MAD1L1: variants seen among roughly 807,000 people sequenced by gnomAD.
The protein encoded by MAD1L1 is mitotic spindle assembly checkpoint protein MAD1.
A neutral mutation model predicts 96.9 loss-of-function variants in MAD1L1; 95 were observed. The observed-to-expected ratio is 0.98, with a 90% CI of 0.83 to 1.16. The LOEUF (loss-of-function observed/expected upper bound fraction) is 1.16, where lower values mean the gene tolerates loss of function less well. Ranked by LOEUF, MAD1L1 falls within the 50% of genes most tolerant of loss-of-function variation. MAD1L1 has a pLI of 0.00. For missense variants in MAD1L1, 1,007 were observed against 954.4 expected (o/e 1.06, Z -0.73); for synonymous variants, 473 against 396.6 (o/e 1.19, Z -2.29).
At chr7:2,152,749 C>T (rs1789642354) in intron 10 of MAD1L1, among the ~76,000 whole-genome samples, 3 of 152,202 alleles carry the variant, frequency 2.0e-5, no homozygotes, top group South Asian at 2.1e-4. Flanking sequence ...CAGTGCACTG[C>T]TATTACCTGA....
chr7:1,926,331 C>T (rs1297842568), intron 17 of MAD1L1, among the ~76,000 whole-genome samples: 2 of 152,190 alleles, frequency 1.3e-5, no homozygotes, highest in African/African-American at 4.8e-5. Flanking sequence ...AGAAGTAACA[C>T]CAATTCTATA....
chr7:2,143,019 C>T (rs140115013), intron 11 of MAD1L1, among the ~76,000 whole-genome samples: 10 of 152,270 alleles, frequency 6.6e-5, no homozygotes, highest in East Asian at 1.9e-4. Context: ...CCTGCCATGC[C>T]CTGAAGGCTC....
rs1490474345 is a variant in MAD1L1 at position 1,904,688 on chromosome 7, G to A, written c.1808-6298C>T. Among the ~76,000 whole-genome samples, 2 of 130,462 alleles carry A rather than the reference G, an allele frequency of 1.5e-5. 1 individual carries two copies. The highest frequency in any genetic ancestry group is 3.1e-5 in the Non-Finnish European group (2 of 64,386). 85.6% of individuals were successfully genotyped at this position (130,462 alleles called of 152,430 possible). A position where few individuals can be genotyped will look rare whatever the true frequency, so the allele number is the denominator to read the frequency against. On this transcript the variant is annotated intron_variant, in intron 17 of 18. Transcript: ENST00000265854. ...GATTAATGAAGCACTGTTCCAGGCAGCGAGGACGCAGTGGCCTATGGAAGA... is the reference window on the plus strand; with the variant it reads ...GATTAATGAAGCACTGTTCCAGGCAACGAGGACGCAGTGGCCTATGGAAGA...
intron 18 of MAD1L1, among the ~76,000 whole-genome samples, chr7:1,864,337 C>A (rs986807775): frequency 2.3e-4 from 35 of 152,208 alleles, no homozygotes; most frequent in Admixed American, 2.3e-3. Flanking sequence ...ACCCGGGGCC[C>A]CTTTCCTGGA....
chr7:1,921,525 G>A (rs55989740), intron 17 of MAD1L1, among the ~76,000 whole-genome samples: 7,507 of 152,194 alleles, frequency 0.049, 273 homozygotes, highest in Admixed American at 0.1. Flanking sequence ...GTTTCACCTT[G>A]TTGGCCAGGC....
chr7:1,945,185 G>A (rs1004522135), intron 16 of MAD1L1, among the ~76,000 whole-genome samples: 3 of 152,236 alleles, frequency 2.0e-5, no homozygotes, highest in African/African-American at 7.2e-5. Context: ...AAGGGTGACT[G>A]CTGTTGCCAG....
intron 10 of MAD1L1, among the ~76,000 whole-genome samples, chr7:2,173,825 G>T (rs1481470922): frequency 1.3e-5 from 2 of 152,194 alleles, no homozygotes; most frequent in Non-Finnish European, 2.9e-5. Flanking sequence ...TTAAGATAGG[G>T]TCTCACTCTG....
At chr7:1,938,387 G>A (rs1038235788) in intron 16 of MAD1L1, among the ~76,000 whole-genome samples, 1 of 152,146 alleles carries the variant, frequency 6.6e-6, no homozygotes, top group Non-Finnish European at 1.5e-5. Flanking sequence ...TACTCAAACA[G>A]GGTTCAGGAA....
At chr7:2,064,017 G>T (rs376631508) in intron 12 of MAD1L1, among the ~76,000 whole-genome samples, 1 of 152,178 alleles carries the variant, frequency 6.6e-6, no homozygotes, top group Non-Finnish European at 1.5e-5. Flanking sequence ...AGCCTCTCCC[G>T]TAGCAGGCCG....
At chr7:1,843,916 G>A (rs1783429951) in intron 18 of MAD1L1, among the ~76,000 whole-genome samples, 1 of 152,192 alleles carries the variant, frequency 6.6e-6, no homozygotes, top group East Asian at 1.9e-4. Flanking sequence ...TTCAGCCACG[G>A]CCACTCCATG....
intron 15 of MAD1L1, among the ~76,000 whole-genome samples, chr7:1,969,268 C>T (rs1456203053): frequency 6.6e-6 from 1 of 152,110 alleles, no homozygotes; most frequent in East Asian, 1.9e-4. Context: ...ATTGTAATCA[C>T]AGCTACTCGG....
intron 18 of MAD1L1, chr7:1,847,174 T>C (rs1270401997): frequency 1.1e-5 from 5 of 442,726 alleles, no homozygotes; most frequent in African/African-American, 6.1e-5. Context: ...GAACAAGGAG[T>C]TCCTCCCTGG....
At position 2,225,526 on chromosome 7, in the gene MAD1L1, G is replaced by A. The variant is rs121908982; in HGVS notation, c.175C>T (p.Arg59Cys). Reference protein sequence around the residue: ...MQLEERAEQIRSKSHLIQVER... With the variant: ...MQLEERAEQICSKSHLIQVER... ...ACCTGGATGAGGTGGGACTTCGAAC[G>A]GATCTGCTCTGCTCTTTCCTCCAGC... Residue 59 changes from arginine to cysteine, a missense_variant, in exon 4 of 19, where the codon CGT (arginine) becomes TGT (cysteine). By Grantham distance (180) the Arg-to-Cys change is radical. Coordinates refer to ENST00000265854, the MANE Select transcript of MAD1L1 (RefSeq NM_001013836.2). 4.4e-3 allele frequency: 7,176 copies of A among 1,613,878 alleles called. 23 individuals are homozygous for A. The highest frequency in any genetic ancestry group is 5.7e-3 in the Non-Finnish European group (6,698 of 1,180,018).
At chr7:2,047,991 TCA>T (rs553385698) in intron 12 of MAD1L1, among the ~76,000 whole-genome samples, 88 of 152,082 alleles carry the variant, frequency 5.8e-4, no homozygotes, top group Middle Eastern at 3.4e-3. Flanking sequence ...CACACAGAAC[TCA>T]CACAGCACAA....
chr7:2,179,660 T>C (rs1021751519), intron 10 of MAD1L1, among the ~76,000 whole-genome samples: 2 of 151,464 alleles, frequency 1.3e-5, no homozygotes, highest in Non-Finnish European at 2.9e-5. Context: ...CTTACTACCT[T>C]AAGATCCCAA....
intron 10 of MAD1L1, among the ~76,000 whole-genome samples, chr7:2,209,281 C>G (rs1350503616): frequency 6.6e-6 from 1 of 152,206 alleles, no homozygotes; most frequent in East Asian, 1.9e-4. Context: ...AGGCCACTCT[C>G]TCCTGGGGCT....
intron 17 of MAD1L1, among the ~76,000 whole-genome samples, chr7:1,930,844 C>T (rs920943585): frequency 6.6e-6 from 1 of 152,122 alleles, no homozygotes; most frequent in African/African-American, 2.4e-5. Context: ...GAAGCCCTCA[C>T]AACTTACCCT....
intron 17 of MAD1L1, among the ~76,000 whole-genome samples, chr7:1,899,719 G>A (rs965586904): frequency 1.3e-5 from 2 of 152,182 alleles, no homozygotes; most frequent in African/African-American, 2.4e-5. Flanking sequence ...TGCAGTGTGA[G>A]TGCCTGCTGG....
At chr7:2,147,179 G>C (rs1334512967) in intron 11 of MAD1L1, among the ~76,000 whole-genome samples, 1 of 152,228 alleles carries the variant, frequency 6.6e-6, no homozygotes, top group African/African-American at 2.4e-5. Flanking sequence ...GTACCTTTCA[G>C]CTCACAGAGA....
Sources: allele counts gnomAD v4.1 joint callset (sites outside exome capture counted in the v4.1 genomes callset), GRCh38; gene constraint gnomAD v4.1.1; transcripts MANE v1.5; gene names NCBI Gene and HGNC (gene_info 2026-07-23, HGNC 2026-07-21).